MTX2: variants seen among roughly 807,000 people sequenced by gnomAD.
MTX2 encodes the protein metaxin 2.
A neutral mutation model predicts 42.3 loss-of-function variants in MTX2; 35 were observed. That is an observed-to-expected ratio of 0.83 (90% CI 0.63 to 1.10). MTX2 has a LOEUF of 1.10. Among genes scored for constraint, MTX2 ranks in the 50% least tolerant of loss-of-function variants. The pLI is 0.00. For synonymous variants in MTX2, 119 were observed against 100.9 expected (o/e 1.18, Z -1.08); for missense variants, 307 against 304.1 (o/e 1.01, Z -0.07).
At chr2:176,316,842 C>T (rs975570169) in intron 3 of MTX2, among the ~76,000 whole-genome samples, 3 of 152,024 alleles carry the variant, frequency 2.0e-5, no homozygotes, top group Non-Finnish European at 4.4e-5. Context: ...AATATCCTTA[C>T]ACATATCTTG....
chr2:176,335,949 G>A (rs1475476355), intron 9 of MTX2, among the ~76,000 whole-genome samples: 1 of 151,976 alleles, frequency 6.6e-6, no homozygotes, highest in Admixed American at 6.6e-5. Flanking sequence ...CATCAAGATG[G>A]TATTTAAAGC....
At chr2:176,306,077 CT>C (rs1684136798) in intron 3 of MTX2, among the ~76,000 whole-genome samples, 1 of 152,026 alleles carries the variant, frequency 6.6e-6, no homozygotes, top group African/African-American at 2.4e-5. Flanking sequence ...CCCCCACCCC[CT>C]GACAGGCCCC....
In MTX2 at chr2:176,326,915, A is replaced by T. The variant is rs760321016; in HGVS notation, c.285+14A>T. 2.1e-6 allele frequency: 3 copies of T among 1,412,966 alleles called. No homozygotes were observed. In the South Asian group the frequency reaches 3.8e-5, roughly 18 times the overall value. The allele number at this position is 1,412,966 out of a possible 1,614,324, so 87.5% of individuals were successfully genotyped here. On this transcript the variant is annotated intron_variant, in intron 5 of 9. Transcript: ENST00000249442. Reference sequence around the variant, plus strand: ...GTTAAAGCCAAGGTAATAAAAAGATATTAAATGTATTTGATCAGTTACCAA... The same window carrying T: ...GTTAAAGCCAAGGTAATAAAAAGATTTTAAATGTATTTGATCAGTTACCAA...
intron 1 of MTX2, among the ~76,000 whole-genome samples, chr2:176,294,440 C>T (rs761467695): frequency 1.9e-4 from 29 of 152,066 alleles, no homozygotes; most frequent in East Asian, 5.8e-4. Flanking sequence ...CCAGCCACCA[C>T]GCCCGGCTAA....
At position 176,323,425 on chromosome 2, in the gene MTX2, G is replaced by T. The variant is rs1339598730; in HGVS notation, c.169G>T (p.Val57Leu). 6.2e-7 allele frequency: 1 copy of T among 1,611,346 alleles called. No homozygotes were observed. The highest frequency in any genetic ancestry group is 1.7e-5 in the Admixed American group (1 of 59,938). Residue 57 changes from valine to leucine, a missense_variant, in exon 4 of 10, where the codon GTA becomes TTA. Val to Leu is a conservative substitution (Grantham distance 32). Transcript: ENST00000249442. Reference sequence around the variant, plus strand: ...GCAAATGTGTAACTTGCCTATCAAAGTAGTTTGTAGGGCAAATGCAGAATA... The same window carrying T: ...GCAAATGTGTAACTTGCCTATCAAATTAGTTTGTAGGGCAAATGCAGAATA... ...FLQMCNLPIK[V>L]VCRANAEYMS...
At chr2:176,330,351 T>A (rs1490322015) in intron 8 of MTX2, among the ~76,000 whole-genome samples, 1 of 149,850 alleles carries the variant, frequency 6.7e-6, no homozygotes, top group Non-Finnish European at 1.5e-5. Flanking sequence ...TATATACTTA[T>A]ATAGAAAGTA....
At chr2:176,315,173 TA>T (rs1294670109) in intron 3 of MTX2, among the ~76,000 whole-genome samples, 1 of 152,212 alleles carries the variant, frequency 6.6e-6, no homozygotes, top group Admixed American at 6.5e-5. Context: ...AGTTGTCTGC[TA>T]TTCATTTCTC....
intron 9 of MTX2, among the ~76,000 whole-genome samples, chr2:176,335,045 C>CA (rs35418677): frequency 0.53 from 78,880 of 148,928 alleles, 20,920 homozygotes; most frequent in Admixed American, 0.63. Context: ...GCACAATAAG[C>CA]AAAAAAAAAA....
chr2:176,270,166 G>A (rs1265456838), intron 1 of MTX2: 2 of 331,792 alleles, frequency 6.0e-6, no homozygotes, highest in Non-Finnish European at 1.2e-5. Context: ...GACTCTAGGA[G>A]TTATTTATTT....
chr2:176,277,821 C>A (rs1047137369), intron 1 of MTX2, among the ~76,000 whole-genome samples: 2 of 151,582 alleles, frequency 1.3e-5, no homozygotes, highest in African/African-American at 4.9e-5. Flanking sequence ...CCGACCGTCA[C>A]GTTTAAGAGA....
intron 5 of MTX2, 62 bp from the exon 6 acceptor site, chr2:176,328,231 T>C: frequency 9.5e-7 from 1 of 1,054,944 alleles, no homozygotes; most frequent in Non-Finnish European, 1.4e-6. Context: ...GTTAGTGAGA[T>C]AACTGAAAGT....
Position 176,293,694 on chromosome 2 carries a change from C to T in MTX2, c.41-3166C>T, listed in dbSNP as rs140625823. 2.1e-3 allele frequency among the ~76,000 whole-genome samples: 326 copies of T among 152,228 alleles called. 3 individuals carry two copies. In the East Asian group the frequency reaches 0.031, roughly 14 times the overall value. On this transcript the variant is annotated intron_variant, in intron 1 of 9. Transcript: ENST00000249442. ...TCTCACCAGAAGCAGATGCTGGCAC[C>T]GTGTTTCTTGTACAGTCTGCAGAAC... is the stretch of plus-strand genomic sequence containing the variant.
At chr2:176,288,566 T>G (rs948568952) in intron 1 of MTX2, among the ~76,000 whole-genome samples, 3 of 151,342 alleles carry the variant, frequency 2.0e-5, no homozygotes, top group African/African-American at 7.3e-5. Flanking sequence ...CTAAATAGTC[T>G]TGCTGTGCTG....
rs767511650 is a variant in MTX2 at position 176,282,126 on chromosome 2, G to GTTTTTTTTGTTT, written c.40+12465_40+12466insGTTTTTTTTTTT. 9.1e-3 allele frequency among the ~76,000 whole-genome samples: 241 copies of GTTTTTTTTGTTT among 26,404 alleles called. 27 individuals carry two copies. Among genetic ancestry groups the GTTTTTTTTGTTT allele is most frequent in the Middle Eastern group, 0.026 (1 of 38 alleles). The allele number at this position is 26,404 out of a possible 152,430, so 17.3% of individuals were successfully genotyped here. On this transcript the variant is annotated intron_variant, in intron 1 of 9. Coordinates refer to ENST00000249442, the MANE Select transcript of MTX2 (RefSeq NM_006554.5). ...TGATATTATTTTTAGAGTTACAGTA[G>GTTTTTTTTGTTT]TTTTTTTTTTTTTTTTTTTTTTTTT...
rs190367711 is a variant in MTX2, at chr2:176,307,872, T to G, written c.135+9977T>G. ...GGAACAGTTTGACTTCCTGATTTCTTAATTGAATACCCTTCATTTCCTTCT... is the reference window on the plus strand; with the variant it reads ...GGAACAGTTTGACTTCCTGATTTCTGAATTGAATACCCTTCATTTCCTTCT... On this transcript the variant is annotated intron_variant, in intron 3 of 9. Coordinates refer to ENST00000249442, the MANE Select transcript of MTX2 (RefSeq NM_006554.5). 1.3e-4 allele frequency among the ~76,000 whole-genome samples: 20 copies of G among 152,288 alleles called. No homozygotes were observed. The East Asian group carries it at 3.7e-3, about 28-fold the overall frequency.
rs187430819 is a variant in MTX2 at position 176,310,181 on chromosome 2, A to G, written c.135+12286A>G. Among the ~76,000 whole-genome samples the G allele has an allele frequency of 2.3e-3, 344 of 152,090 alleles. 6 individuals carry two copies. In the East Asian group the frequency reaches 0.034, roughly 15 times the overall value. ...CACTTATGAAGCTTAGTTTGGCTGG[A>G]TATGAAATTCTGTGTTGAAAATTCT... On this transcript the variant is annotated intron_variant, in intron 3 of 9. Coordinates refer to ENST00000249442, the MANE Select transcript of MTX2 (RefSeq NM_006554.5).
intron 9 of MTX2, among the ~76,000 whole-genome samples, chr2:176,331,799 C>T (rs978536573): frequency 6.6e-6 from 1 of 151,148 alleles, no homozygotes; most frequent in Non-Finnish European, 1.5e-5. Flanking sequence ...TACGTGATTT[C>T]TTTTCTTTCT....
chr2:176,275,169 A>G (rs1692918045), intron 1 of MTX2, among the ~76,000 whole-genome samples: 1 of 152,186 alleles, frequency 6.6e-6, no homozygotes, highest in Non-Finnish European at 1.5e-5. Flanking sequence ...TTAGCTTAAT[A>G]TGGAAAGAAA....
At chr2:176,272,742 TA>T (rs1455817045) in intron 1 of MTX2, among the ~76,000 whole-genome samples, 43 of 152,312 alleles carry the variant, frequency 2.8e-4, no homozygotes, top group Middle Eastern at 6.8e-3. Context: ...AATATTCAAC[TA>T]ATTGTAACTA....
Sources: gnomAD v4.1 joint callset for allele counts (sites outside exome capture counted in the v4.1 genomes callset) on GRCh38, gnomAD v4.1.1 for gene constraint, MANE v1.5 for transcripts, NCBI Gene and HGNC (gene_info 2026-07-23, HGNC 2026-07-21) for gene names.